Variants in CAMKK2 observed in about 807,000 individuals in gnomAD.
The protein encoded by CAMKK2 is calcium/calmodulin dependent protein kinase kinase 2, also known as calcium/calmodulin-dependent protein kinase kinase 2.
CAMKK2 carries 30 observed loss-of-function variants against 67.2 expected under a neutral mutation model. The observed-to-expected ratio is 0.45, with a 90% CI of 0.33 to 0.61. CAMKK2 has a LOEUF of 0.61. CAMKK2 is among the 20% of genes least tolerant of loss of function. The probability of loss-of-function intolerance (pLI) is 0.02; values close to 1 mark genes in which losing one functional copy is unlikely to be tolerated. For synonymous variants in CAMKK2, 322 were observed against 326.2 expected (o/e 0.99, Z 0.14); for missense variants, 643 against 802.0 (o/e 0.80, Z 2.39).
Position 121,253,188 on chromosome 12 carries a change from C to T in CAMKK2, c.1107+85G>A. ...GATCCAGGGGATTCACTGTTTAAGC[C>T]TGTGTGCGTTGGGTTTCTGCTGCTT... On this transcript the variant is annotated intron_variant, in intron 10 of 16. Transcript: ENST00000404169. The surrounding 1 kb of genome is among the most constrained non-coding windows in gnomAD (Gnocchi z 5.0). 8.4e-7 allele frequency: 1 copy of T among 1,187,106 alleles called. No homozygotes were observed. The highest frequency in any genetic ancestry group is 1.3e-5 in the South Asian group (1 of 77,978). 73.5% of individuals were successfully genotyped at this position (1,187,106 alleles called of 1,614,324 possible). A position where few individuals can be genotyped will look rare whatever the true frequency, so the allele number is the denominator to read the frequency against.
chr12:121,280,894 GGGTCCTGT>G (rs1316403944), intron 1 of CAMKK2, among the ~76,000 whole-genome samples: 1 of 151,106 alleles, frequency 6.6e-6, no homozygotes, highest in African/African-American at 2.4e-5. Flanking sequence ...AATTTCACCT[GGGTCCTGT>G]GGTCCTGTGA....
Position 121,269,899 on chromosome 12 carries a change from A to T in CAMKK2, c.520-318T>A, listed in dbSNP as rs374534156. ...CCGCGTCTCTACTAAAAATACAAAA[A>T]TTAGCCGGGGCATGGTAGCAGGCAC... On this transcript the variant is annotated intron_variant, in intron 3 of 16. Transcript: ENST00000404169. 19 of 218,754 alleles carry T rather than the reference A, an allele frequency of 8.7e-5. No homozygotes were observed. The East Asian group carries it at 1.8e-3, about 21-fold the overall frequency. 13.6% of individuals were successfully genotyped at this position (218,754 alleles called of 1,614,324 possible).
chr12:121,255,906 C>G (rs1037799683), intron 7 of CAMKK2, 102 bp from the exon 8 acceptor site: 1 of 1,083,332 alleles, frequency 9.2e-7, no homozygotes, highest in Non-Finnish European at 1.4e-6. Flanking sequence ...CCAAGAAAGA[C>G]AGAAACTAGT....
At position 121,245,565 on chromosome 12, in the gene CAMKK2, C is replaced by T. The variant is rs1040560562; in HGVS notation, c.1453-325G>A. On this transcript the variant is annotated intron_variant, in intron 14 of 16. Coordinates refer to ENST00000404169, the MANE Select transcript of CAMKK2 (RefSeq NM_001270485.2). This position sits in a 1 kb window ranked among gnomAD's most constrained non-coding sequence, Gnocchi z 5.8. ...CTCACTCCCTGACTCAGCATCCCCA[C>T]CCAGAGGGGTCTGGAACTTGGCCTG... 5.9e-5 allele frequency among the ~76,000 whole-genome samples: 9 copies of T among 152,174 alleles called. No homozygotes were observed. Among genetic ancestry groups the T allele is most frequent in the African/African-American group, 1.7e-4 (7 of 41,442 alleles).
chr12:121,245,296 T>C lies in CAMKK2; in HGVS notation c.1453-56A>G. 2 of 1,096,250 alleles carry C rather than the reference T, an allele frequency of 1.8e-6. No homozygotes were observed. Among genetic ancestry groups the C allele is most frequent in the Non-Finnish European group, 2.7e-6 (2 of 730,774 alleles). The allele number at this position is 1,096,250 out of a possible 1,614,324, so 67.9% of individuals were successfully genotyped here. On this transcript the variant is annotated intron_variant, in intron 14 of 16. Transcript: ENST00000404169. This position sits in a 1 kb window ranked among gnomAD's most constrained non-coding sequence, Gnocchi z 5.8. ...CAACTGCTTGGCCATGTGGGGGCGA[T>C]TCTGGGCAACATCCTCCCTCTTCCT... is the stretch of plus-strand genomic sequence containing the variant.
At chr12:121,279,927 C>A (rs994184154) in intron 1 of CAMKK2, among the ~76,000 whole-genome samples, 4 of 152,276 alleles carry the variant, frequency 2.6e-5, no homozygotes, top group Non-Finnish European at 5.9e-5. Context: ...GCATCCGCTA[C>A]CTCCCGCGCA....
chr12:121,262,467 G>A (rs954969336), intron 6 of CAMKK2, among the ~76,000 whole-genome samples: 1 of 151,586 alleles, frequency 6.6e-6, no homozygotes, highest in African/African-American at 2.4e-5. Context: ...AGCTGAGATT[G>A]TGCCACTGCA....
chr12:121,296,896 C>G (rs1901395401), upstream of CAMKK2: 1 of 151,520 alleles, frequency 6.6e-6, no homozygotes, highest in Admixed American at 6.6e-5. This position sits in a 1 kb window ranked among gnomAD's most constrained non-coding sequence, Gnocchi z 7.1. Flanking sequence ...GCGCCCCCGC[C>G]GGCTCGGCCC....
intron 1 of CAMKK2, among the ~76,000 whole-genome samples, chr12:121,280,111 T>C (rs1376344126): frequency 6.6e-6 from 1 of 152,158 alleles, no homozygotes; most frequent in East Asian, 1.9e-4. Flanking sequence ...CTTGGGAAAA[T>C]GGGCTCAGCC....
chr12:121,292,320 G>T (rs1388408002), intron 1 of CAMKK2, among the ~76,000 whole-genome samples: 1 of 151,846 alleles, frequency 6.6e-6, no homozygotes, highest in Non-Finnish European at 1.5e-5. Flanking sequence ...GTGGGGACGG[G>T]GTTTCGCTAT....
chr12:121,258,883 C>T (rs11065512), intron 7 of CAMKK2, among the ~76,000 whole-genome samples: 62,598 of 147,780 alleles, frequency 0.42, 13,668 homozygotes, highest in African/African-American at 0.5. Flanking sequence ...CACTTTGTTG[C>T]CCAGGCTGGA....
chr12:121,240,263 C>G lies in CAMKK2; in HGVS notation c.*436G>C, dbSNP rs536293119. On this transcript the variant is annotated 3_prime_UTR_variant, in exon 17 of 17. Coordinates refer to ENST00000404169, the MANE Select transcript of CAMKK2 (RefSeq NM_001270485.2). This position sits in a 1 kb window ranked among gnomAD's most constrained non-coding sequence, Gnocchi z 4.4. ...TGCACTAGGAGCCACATCTAGCCCC[C>G]TACTCCCTCTCAAATGCAGCAACCA... The G allele has an allele frequency of 1.5e-6, 1 of 646,512 alleles. No homozygotes were observed. Among genetic ancestry groups the G allele is most frequent in the South Asian group, 2.0e-5 (1 of 50,348 alleles). The allele number at this position is 646,512 out of a possible 1,614,324, so 40.0% of individuals were successfully genotyped here.
At chr12:121,252,787 G>GA in intron 10 of CAMKK2, 73 bp from the exon 11 acceptor site, 1 of 1,462,158 alleles carries the variant, frequency 6.8e-7, no homozygotes, top group Non-Finnish European at 9.5e-7. Flanking sequence ...TTCCTTTGGG[G>GA]AACCACCTCT....
intron 1 of CAMKK2, among the ~76,000 whole-genome samples, chr12:121,286,067 T>C (rs901703577): frequency 1.3e-5 from 2 of 152,182 alleles, no homozygotes; most frequent in African/African-American, 2.4e-5. Context: ...CTGAAGCTCA[T>C]GTACCTCAAT....
At chr12:121,271,008 G>A (rs560538469) in intron 2 of CAMKK2, 63 bp from the exon 3 acceptor site, 51 of 1,361,314 alleles carry the variant, frequency 3.7e-5, no homozygotes, top group African/African-American at 1.0e-4. Flanking sequence ...GGCCAGGCAC[G>A]GTGGCTCACA....
At chr12:121,294,908 T>C (rs1900820711) in intron 1 of CAMKK2, among the ~76,000 whole-genome samples, 1 of 152,216 alleles carries the variant, frequency 6.6e-6, no homozygotes, top group South Asian at 2.1e-4. Flanking sequence ...TGGCAGCTCA[T>C]GCCTGTAATC....
chr12:121,249,679 C>A, intron 13 of CAMKK2, 108 bp downstream of exon 13: 3 of 910,762 alleles, frequency 3.3e-6, no homozygotes, highest in South Asian at 1.3e-5. Flanking sequence ...AGGAGAACAG[C>A]GGTGCCAAGG....
intron 6 of CAMKK2, among the ~76,000 whole-genome samples, chr12:121,261,466 G>T (rs915684534): frequency 3.9e-5 from 6 of 152,162 alleles, no homozygotes; most frequent in Non-Finnish European, 8.8e-5. Flanking sequence ...AGCCTCCCTG[G>T]CTAGACTAGT....
At chr12:121,290,021 G>A (rs1219988943) in intron 1 of CAMKK2, among the ~76,000 whole-genome samples, 1 of 152,124 alleles carries the variant, frequency 6.6e-6, no homozygotes, top group South Asian at 2.1e-4. Context: ...TCTGTGAAAT[G>A]GTGCCAGACC....
Sources: gnomAD v4.1 joint callset for allele counts (sites outside exome capture counted in the v4.1 genomes callset) on GRCh38, gnomAD v4.1.1 for gene constraint, Gnocchi (gnomAD v3.1) non-coding constraint, MANE v1.5 for transcripts, NCBI Gene and HGNC (gene_info 2026-07-23, HGNC 2026-07-21) for gene names.